The following NUP62CL variants were observed in gnomAD, a reference collection of about 807,000 sequenced individuals.
NUP62CL encodes the protein nucleoporin 62 C-terminal like.
NUP62CL carries 13 observed loss-of-function variants against 15.3 expected under a neutral mutation model. That is an observed-to-expected ratio of 0.85 (90% CI 0.55 to 1.35). NUP62CL has a LOEUF of 1.35. Ranked by LOEUF, NUP62CL falls within the 40% of genes most tolerant of loss-of-function variation. NUP62CL has a pLI of 0.00. For synonymous variants in NUP62CL, 54 were observed against 49.2 expected (o/e 1.10, Z -0.41); for missense variants, 123 against 130.6 (o/e 0.94, Z 0.28).
In NUP62CL at chrX:107,167,539, C is replaced by G. The variant is rs1011499101; in HGVS notation, c.194+110G>C. 4 of 536,561 alleles carry G rather than the reference C, an allele frequency of 7.5e-6. No individual in the cohort carries two copies. The African/African-American group carries it at 9.5e-5, about 13-fold the overall frequency. The allele number at this position is 536,561 out of a possible 1,213,427, so 44.2% of individuals were successfully genotyped here. On this transcript the variant is annotated intron_variant, in intron 4 of 8. Transcript: ENST00000372466. The stretch of plus-strand genomic sequence containing the variant: ...ATCTTTCTCTTGACTGTTCCCTCAA[C>G]TCAGTCATTTAGCTAACTTTCAAAT...
chrX:107,159,873 T>C (rs1413520727), intron 4 of NUP62CL, among the ~76,000 whole-genome samples: 5 of 101,251 alleles, frequency 4.9e-5, no homozygotes, highest in Non-Finnish European at 1.0e-4. Context: ...ATTGTTTATC[T>C]AGAAAACCCC....
At chrX:107,149,436 T>C (rs1925958277) in intron 7 of NUP62CL, among the ~76,000 whole-genome samples, 1 of 112,200 alleles carries the variant, frequency 8.9e-6, no homozygotes, top group South Asian at 3.7e-4. Context: ...CAGATTAATT[T>C]ATATTTGTCT....
chrX:107,150,178 C>T (rs774074115), intron 7 of NUP62CL, among the ~76,000 whole-genome samples: 1 of 111,827 alleles, frequency 8.9e-6, no homozygotes, highest in Admixed American at 9.5e-5. Context: ...TTGTGTTGAA[C>T]AGACACAAGC....
At chrX:107,195,622 T>G (rs1927344163) in intron 1 of NUP62CL, among the ~76,000 whole-genome samples, 1 of 112,062 alleles carries the variant, frequency 8.9e-6, no homozygotes, top group Non-Finnish European at 1.9e-5. Flanking sequence ...CAAGAGTAAC[T>G]CTGAAGGACA....
intron 2 of NUP62CL, among the ~76,000 whole-genome samples, chrX:107,179,256 C>T (rs1229049940): frequency 9.0e-6 from 1 of 111,456 alleles, no homozygotes; most frequent in Non-Finnish European, 1.9e-5. Flanking sequence ...CCCATTTTCA[C>T]ATCAAAGAAT....
chrX:107,174,054 T>C (rs1926713747), intron 3 of NUP62CL, among the ~76,000 whole-genome samples: 2 of 75,608 alleles, frequency 2.6e-5, no homozygotes, highest in African/African-American at 1.1e-4. Flanking sequence ...TCTCTCTCTC[T>C]CCCTCCCTCC....
intron 8 of NUP62CL, among the ~76,000 whole-genome samples, chrX:107,126,881 A>G (rs1470224314): frequency 9.0e-6 from 1 of 111,480 alleles, no homozygotes; most frequent in Non-Finnish European, 1.9e-5. Flanking sequence ...TAAAAATACA[A>G]AAATTAGCCA....
intron 2 of NUP62CL, among the ~76,000 whole-genome samples, chrX:107,180,829 T>G (rs1283185226): frequency 1.8e-5 from 2 of 110,558 alleles, no homozygotes; most frequent in African/African-American, 6.6e-5. Context: ...TAAACTCCTA[T>G]AGAAATGCTT....
intron 7 of NUP62CL, among the ~76,000 whole-genome samples, chrX:107,152,568 A>G (rs1234291914): frequency 9.0e-6 from 1 of 111,538 alleles, no homozygotes; most frequent in East Asian, 2.8e-4. Flanking sequence ...TAAATTGGCC[A>G]ATTACCAAAC....
chrX:107,172,141 T>C (rs1926666728), intron 3 of NUP62CL, among the ~76,000 whole-genome samples: 1 of 101,741 alleles, frequency 9.8e-6, no homozygotes, highest in African/African-American at 3.7e-5. Flanking sequence ...CTGGACAATG[T>C]AGTGAGACCT....
intron 4 of NUP62CL, among the ~76,000 whole-genome samples, chrX:107,159,866 G>A (rs1439880656): frequency 2.0e-5 from 2 of 99,562 alleles, no homozygotes; most frequent in Middle Eastern, 5.3e-3. Context: ...CGACATGATT[G>A]TTTATCTAGA....
chrX:107,197,435 G>A (rs763812218), intron 1 of NUP62CL, among the ~76,000 whole-genome samples: 32 of 110,281 alleles, frequency 2.9e-4, no homozygotes, highest in African/African-American at 3.3e-5. Flanking sequence ...AGAGGAATAC[G>A]CTATCTCTGC....
chrX:107,178,046 A>G (rs1405935235), intron 2 of NUP62CL, among the ~76,000 whole-genome samples: 1 of 112,069 alleles, frequency 8.9e-6, no homozygotes, highest in Admixed American at 9.5e-5. Flanking sequence ...CCACGCTACC[A>G]TATGAATGAG....
chrX:107,176,101 CCATT>C (rs1214167567), intron 2 of NUP62CL, among the ~76,000 whole-genome samples: 1 of 111,451 alleles, frequency 9.0e-6, no homozygotes, highest in Admixed American at 9.6e-5. Context: ...GGGATAAAGG[CCATT>C]CATAAGAACA....
intron 8 of NUP62CL, among the ~76,000 whole-genome samples, 154 bp from the exon 9 acceptor site, chrX:107,124,486 T>C (rs915742214): frequency 8.9e-6 from 1 of 111,795 alleles, no homozygotes; most frequent in Non-Finnish European, 1.9e-5. Flanking sequence ...AAAACACTCA[T>C]CTATCTGTTT....
At chrX:107,174,653 T>C (rs1393619664) in intron 3 of NUP62CL, among the ~76,000 whole-genome samples, 1 of 111,534 alleles carries the variant, frequency 9.0e-6, no homozygotes, top group South Asian at 3.8e-4. Flanking sequence ...CATGTTCCAC[T>C]TCTGATAGGT....
chrX:107,164,259 T>C (rs1926455756), intron 4 of NUP62CL, among the ~76,000 whole-genome samples: 1 of 111,587 alleles, frequency 9.0e-6, no homozygotes, highest in African/African-American at 3.3e-5. Flanking sequence ...AATAAATTAG[T>C]CAAAGAAGGA....
chrX:107,198,654 C>G (rs907004933), intron 1 of NUP62CL, among the ~76,000 whole-genome samples: 1 of 111,110 alleles, frequency 9.0e-6, no homozygotes, highest in Non-Finnish European at 1.9e-5. Context: ...GACCACGAAC[C>G]CACCAGGAGG....
At chrX:107,167,519 T>C (rs905526206) in intron 4 of NUP62CL, 130 bp downstream of exon 4, 25 of 449,104 alleles carry the variant, frequency 5.6e-5, no homozygotes, top group Admixed American at 4.1e-4. Context: ...CAGAAATCTT[T>C]CTCTTGACTG....
Sources: allele counts gnomAD v4.1 joint callset (sites outside exome capture counted in the v4.1 genomes callset), GRCh38; gene constraint gnomAD v4.1.1; transcripts MANE v1.5; gene names NCBI Gene and HGNC (gene_info 2026-07-23, HGNC 2026-07-21).